The following PPP1R1C variants were observed in gnomAD, a reference collection of about 807,000 sequenced individuals.
PPP1R1C encodes the protein protein phosphatase 1 regulatory inhibitor subunit 1C, also known as protein phosphatase 1 regulatory subunit 1C.
In PPP1R1C, 15 loss-of-function variants were observed where a neutral mutation model predicts 17.4. That is an observed-to-expected ratio of 0.86 (90% CI 0.58 to 1.33). The LOEUF is 1.33. PPP1R1C is among the 40% of genes most tolerant of loss of function. PPP1R1C has a pLI of 0.00. For missense variants in PPP1R1C, 143 were observed against 130.0 expected (o/e 1.10, Z -0.48); for synonymous variants, 35 against 43.1 (o/e 0.81, Z 0.73).
chr2:182,004,057 G>A (rs960002721), intron 2 of PPP1R1C, among the ~76,000 whole-genome samples: 3 of 152,118 alleles, frequency 2.0e-5, no homozygotes, highest in East Asian at 1.9e-4. Flanking sequence ...TTAGAAAGGC[G>A]TGCCATATAC....
chr2:182,125,689 T>A (rs1689856940), intron 5 of PPP1R1C, among the ~76,000 whole-genome samples: 1 of 152,200 alleles, frequency 6.6e-6, no homozygotes, highest in Non-Finnish European at 1.5e-5. Context: ...TGTGTAGAGA[T>A]GTTTATAGTA....
intron 2 of PPP1R1C, chr2:182,030,798 G>C (rs1352133883): frequency 2.5e-5 from 4 of 158,892 alleles, no homozygotes. Flanking sequence ...AATGGCGGGT[G>C]CCCCTCCCCT....
At chr2:182,106,300 C>T (rs1336873180) in intron 4 of PPP1R1C, among the ~76,000 whole-genome samples, 1 of 152,188 alleles carries the variant, frequency 6.6e-6, no homozygotes, top group African/African-American at 2.4e-5. Context: ...GCCTGCCATG[C>T]CCCTATCTTG....
intron 4 of PPP1R1C, among the ~76,000 whole-genome samples, chr2:182,076,277 C>T (rs1378725656): frequency 9.4e-5 from 11 of 117,400 alleles, no homozygotes; most frequent in African/African-American, 3.5e-4. Flanking sequence ...TCACTGCAAG[C>T]TCTGCCTCCC....
intron 4 of PPP1R1C, among the ~76,000 whole-genome samples, chr2:182,064,387 C>T (rs1395442842): frequency 6.6e-6 from 1 of 152,086 alleles, no homozygotes; most frequent in Non-Finnish European, 1.5e-5. Flanking sequence ...GGGAAAGCAT[C>T]TCTTATTTCT....
At chr2:182,129,891 A>G (rs2125244789) in exon 6 of PPP1R1C, 1 of 152,296 alleles carries the variant, frequency 6.6e-6, no homozygotes, top group African/African-American at 2.4e-5. Flanking sequence ...TAATGAGGCT[A>G]AGCTGGGAAG....
At chr2:181,968,527 G>T (rs1448363493) in intron 1 of PPP1R1C, among the ~76,000 whole-genome samples, 1 of 151,978 alleles carries the variant, frequency 6.6e-6, no homozygotes, top group African/African-American at 2.4e-5. Context: ...TTCTATTTTG[G>T]TTTCCATTTA....
At chr2:182,008,995 G>C (rs1269935542) in intron 2 of PPP1R1C, among the ~76,000 whole-genome samples, 1 of 152,100 alleles carries the variant, frequency 6.6e-6, no homozygotes, top group Non-Finnish European at 1.5e-5. Flanking sequence ...GTAGTCTATT[G>C]TGTTTACGTA....
chr2:181,969,455 T>C (rs1009339657), intron 1 of PPP1R1C, among the ~76,000 whole-genome samples: 2 of 152,182 alleles, frequency 1.3e-5, no homozygotes, highest in African/African-American at 4.8e-5. Context: ...TGATTTCCAT[T>C]GAGAAGTCTA....
intron 2 of PPP1R1C, among the ~76,000 whole-genome samples, chr2:182,027,177 C>G (rs1322239011): frequency 7.7e-6 from 1 of 129,914 alleles, no homozygotes; most frequent in Non-Finnish European, 1.6e-5. Context: ...TTGACTTCCT[C>G]TTTTCCTAAT....
chr2:182,008,301 T>C (rs983986941), intron 2 of PPP1R1C, among the ~76,000 whole-genome samples: 1 of 152,150 alleles, frequency 6.6e-6, no homozygotes, highest in African/African-American at 2.4e-5. Context: ...CACTTCATCA[T>C]TATATTCACT....
intron 4 of PPP1R1C, among the ~76,000 whole-genome samples, chr2:182,105,369 G>T (rs146161612): frequency 6.6e-6 from 1 of 152,186 alleles, no homozygotes; most frequent in Non-Finnish European, 1.5e-5. Flanking sequence ...ACATCCGTCA[G>T]CATAGTTTTA....
intron 4 of PPP1R1C, among the ~76,000 whole-genome samples, chr2:182,076,192 C>CTTTTTTT (rs1688296764): frequency 3.9e-5 from 1 of 25,834 alleles, no homozygotes; most frequent in African/African-American, 1.6e-4. Flanking sequence ...TTTTTTTTTT[C>CTTTTTTT]TTTTCTTTTT....
Position 181,962,270 on chromosome 2 carries a change from C to T in PPP1R1C, n.111+7636C>T, listed in dbSNP as rs964324774. The T allele has an allele frequency of 1.4e-6, 1 of 737,112 alleles. No homozygotes were observed. Among genetic ancestry groups the T allele is most frequent in the Non-Finnish European group, 2.4e-6 (1 of 415,716 alleles). The allele number at this position is 737,112 out of a possible 1,614,324, so 45.7% of individuals were successfully genotyped here. ...CTGGATGCCTCCCATTCCTGCCAGA[C>T]CCCCGGCCATCCCCGCGGCCAGGTC... On this transcript the variant is annotated intron_variant and non_coding_transcript_variant, in intron 1 of 5. Coordinates refer to the PPP1R1C transcript ENST00000464264. The surrounding 1 kb of genome is among the most constrained non-coding windows in gnomAD (Gnocchi z 6.0).
At chr2:182,013,506 G>A (rs528202785) in intron 2 of PPP1R1C, among the ~76,000 whole-genome samples, 113 of 152,116 alleles carry the variant, frequency 7.4e-4, no homozygotes, top group Middle Eastern at 3.4e-3. Context: ...TCTTGAGATA[G>A]TCTTCTTTGG....
At chr2:182,092,630 G>T (rs559755566) in intron 4 of PPP1R1C, among the ~76,000 whole-genome samples, 1 of 152,200 alleles carries the variant, frequency 6.6e-6, no homozygotes, top group South Asian at 2.1e-4. Flanking sequence ...ATCTAATGGC[G>T]GTACAGGCAT....
intron 4 of PPP1R1C, among the ~76,000 whole-genome samples, chr2:182,104,867 G>T (rs1363752954): frequency 1.3e-5 from 2 of 152,180 alleles, no homozygotes; most frequent in Admixed American, 6.5e-5. Flanking sequence ...GCGGAATTCA[G>T]CCGTGAAGCC....
At chr2:181,994,789 CG>C (rs1349609581) in intron 2 of PPP1R1C, among the ~76,000 whole-genome samples, 1 of 152,068 alleles carries the variant, frequency 6.6e-6, no homozygotes, top group Admixed American at 6.6e-5. Flanking sequence ...AACAGAAATC[CG>C]TGTTGCTGAA....
In PPP1R1C at chr2:182,029,688, G is replaced by T. The variant is rs1348928619; in HGVS notation, c.143-31754G>T. ...ACTTTGGTGAATCTGACAATTATGT[G>T]TCTTGGAGTTGCTCTTCTCGAGGAG... On this transcript the variant is annotated intron_variant, in intron 2 of 4. Transcript: ENST00000682840. 2.7e-5 allele frequency among the ~76,000 whole-genome samples: 3 copies of T among 112,108 alleles called. No individual in the cohort carries two copies. In the Admixed American group the frequency reaches 2.9e-4, roughly 11 times the overall value. 73.5% of individuals were successfully genotyped at this position (112,108 alleles called of 152,430 possible).
Sources: gnomAD v4.1 joint callset for allele counts (sites outside exome capture counted in the v4.1 genomes callset) on GRCh38, gnomAD v4.1.1 for gene constraint, Gnocchi (gnomAD v3.1) non-coding constraint, MANE v1.5 for transcripts, NCBI Gene and HGNC (gene_info 2026-07-23, HGNC 2026-07-21) for gene names.